Variants in ITSN2 observed in about 807,000 individuals in gnomAD.
ITSN2 encodes intersectin-2.
Under a neutral mutation model 243.7 loss-of-function variants are expected in ITSN2, and 156 were observed. The ratio of observed to expected loss-of-function variants is 0.64; its 90% CI spans 0.56 to 0.73. The LOEUF (loss-of-function observed/expected upper bound fraction) is 0.73. ITSN2 is among the 30% of genes least tolerant of loss of function. The pLI is 0.00. For synonymous variants in ITSN2, 703 were observed against 699.9 expected (o/e 1.00, Z -0.07); for missense variants, 1,801 against 1,996.1 (o/e 0.90, Z 1.86).
In ITSN2 at chr2:24,301,172, G is replaced by A; in HGVS notation, c.1063C>T (p.Pro355Ser). The A allele has an allele frequency of 6.2e-7, 1 of 1,601,774 alleles. No homozygotes were observed. Among genetic ancestry groups the A allele is most frequent in the South Asian group, 1.1e-5 (1 of 89,754 alleles). Residue 355 changes from proline (P) to serine (S), a missense_variant, in exon 11 of 40, where the codon CCT becomes TCT. By Grantham distance (74) the Pro-to-Ser change is moderately conservative (BLOSUM62 -1). This residue lies in a region of ITSN2 where 787 missense variants were observed against 803.9 expected (regional missense o/e 0.98). Coordinates refer to ENST00000355123, the MANE Select transcript of ITSN2 (RefSeq NM_006277.3). ...PSYQKMQEEEPQKKLPVTFED... is the reference protein window; with the variant it reads ...PSYQKMQEEESQKKLPVTFED... ...GTGATACCTGGTAATTTCTTCTGAG[G>A]CTCCTCTTCTTGCATTTTCTGATAT...
At chr2:24,205,187 T>C in intron 38 of ITSN2, 27 bp downstream of exon 38, 8 of 1,595,004 alleles carry the variant, frequency 5.0e-6, no homozygotes, top group Non-Finnish European at 6.9e-6. Flanking sequence ...CAGTTATGTC[T>C]GCTGAATGAA....
intron 1 of ITSN2, among the ~76,000 whole-genome samples, chr2:24,346,006 T>C (rs947274738): frequency 6.6e-6 from 1 of 152,162 alleles, no homozygotes; most frequent in Admixed American, 6.5e-5. Flanking sequence ...AGTGAAGAAA[T>C]GGATATGAGT....
intron 1 of ITSN2, among the ~76,000 whole-genome samples, chr2:24,358,614 A>G (rs1389489561): frequency 1.3e-5 from 2 of 152,226 alleles, no homozygotes; most frequent in Non-Finnish European, 2.9e-5. Flanking sequence ...ATGATTTTCT[A>G]CTTTTTAAAA....
chr2:24,205,383 C>A, intron 37 of ITSN2, 86 bp from the exon 38 acceptor site: 1 of 1,143,160 alleles, frequency 8.7e-7, no homozygotes, highest in South Asian at 1.3e-5. Context: ...ACTACCGGCT[C>A]CCTGTCCCCA....
chr2:24,209,781 A>C, intron 35 of ITSN2, 37 bp downstream of exon 35: 1 of 1,528,558 alleles, frequency 6.5e-7, no homozygotes, highest in Non-Finnish European at 9.1e-7. Flanking sequence ...ACACCTCATT[A>C]GGCCCCTGAT....
intron 18 of ITSN2, among the ~76,000 whole-genome samples, chr2:24,272,335 G>A (rs1315012173): frequency 6.6e-6 from 1 of 151,230 alleles, no homozygotes; most frequent in East Asian, 1.9e-4. Flanking sequence ...TCTTCCAGCT[G>A]TTATTCCCAC....
intron 14 of ITSN2, among the ~76,000 whole-genome samples, 159 bp from the exon 15 acceptor site, chr2:24,293,934 A>C (rs1680611645): frequency 6.6e-6 from 1 of 152,242 alleles, no homozygotes. Flanking sequence ...ACTAGAATGG[A>C]ATTATGCCAA....
chr2:24,254,611 G>A (rs1674781775), intron 23 of ITSN2, among the ~76,000 whole-genome samples, 180 bp from the exon 24 acceptor site: 1 of 152,072 alleles, frequency 6.6e-6, no homozygotes, highest in South Asian at 2.1e-4. Flanking sequence ...ATTAAGAACA[G>A]CCTAATTATA....
intron 29 of ITSN2, among the ~76,000 whole-genome samples, chr2:24,231,749 G>A (rs1295674227): frequency 1.3e-5 from 2 of 152,192 alleles, no homozygotes; most frequent in African/African-American, 2.4e-5. Context: ...CTGTGATGAC[G>A]AACACAGAGA....
rs188760221 is a variant in ITSN2 at position 24,337,499 on chromosome 2, C to T, written c.-33-9384G>A. ...CCAAGTAGCTGGGATTACAGGCGCG[C>T]ACCACCATGCCCAGCTAATTTTTTG... On this transcript the variant is annotated intron_variant, in intron 1 of 39. Coordinates refer to ENST00000355123, the MANE Select transcript of ITSN2 (RefSeq NM_006277.3). Among the ~76,000 whole-genome samples, 30 of 149,090 alleles carry T rather than the reference C, an allele frequency of 2.0e-4. No homozygotes were observed. In the East Asian group the frequency reaches 5.9e-3, roughly 29 times the overall value.
At chr2:24,203,951 G>A in intron 39 of ITSN2, 168 bp from the exon 40 acceptor site, 1 of 690,302 alleles carries the variant, frequency 1.4e-6, no homozygotes, top group East Asian at 2.7e-5. Flanking sequence ...ATGATGGCAG[G>A]TTTGTGTGTG....
At chr2:24,296,686 T>C (rs1285654979) in intron 13 of ITSN2, among the ~76,000 whole-genome samples, 1 of 152,214 alleles carries the variant, frequency 6.6e-6, no homozygotes, top group African/African-American at 2.4e-5. Flanking sequence ...TCTTAGGAGC[T>C]GTGAAAAAAT....
chr2:24,273,313 C>T (rs192728750), intron 18 of ITSN2, among the ~76,000 whole-genome samples: 141 of 152,300 alleles, frequency 9.3e-4, no homozygotes, highest in Non-Finnish European at 2.6e-4. Flanking sequence ...ACTTTCAAAA[C>T]GGACTTCTGG....
chr2:24,298,538 T>C lies in ITSN2; in HGVS notation c.1494+127A>G, dbSNP rs1014398686. 9.6e-5 allele frequency: 75 copies of C among 780,826 alleles called. No homozygotes were observed. In the South Asian group the frequency reaches 1.5e-3, roughly 15 times the overall value. The allele number at this position is 780,826 out of a possible 1,614,324, so 48.4% of individuals were successfully genotyped here. A position where few individuals can be genotyped will look rare whatever the true frequency, so the allele number is the denominator to read the frequency against. On this transcript the variant is annotated intron_variant, in intron 13 of 39. Transcript: ENST00000355123. ...TTTCAAACTCCTGCCCCAGTTGATC[T>C]GCCTGCCTTGGCCTCCCAAAGTGCT...
intron 29 of ITSN2, among the ~76,000 whole-genome samples, chr2:24,243,920 A>C (rs1673037529): frequency 6.6e-6 from 1 of 152,220 alleles, no homozygotes; most frequent in Admixed American, 6.5e-5. Context: ...AAATAATCAA[A>C]AGTGACTAGT....
At chr2:24,271,223 T>G (rs1677302697) in intron 19 of ITSN2, among the ~76,000 whole-genome samples, 1 of 152,212 alleles carries the variant, frequency 6.6e-6, no homozygotes, top group Non-Finnish European at 1.5e-5. Flanking sequence ...TCAGAATGGT[T>G]CTAAAAGGAA....
intron 29 of ITSN2, among the ~76,000 whole-genome samples, chr2:24,232,533 A>C (rs1671730031): frequency 6.6e-6 from 1 of 152,226 alleles, no homozygotes; most frequent in South Asian, 2.1e-4. Flanking sequence ...AGTTAATGTG[A>C]GATGCAGGAT....
At chr2:24,239,608 C>G (rs374536302) in intron 29 of ITSN2, 17 of 152,126 alleles carry the variant, frequency 1.1e-4, no homozygotes, top group African/African-American at 4.1e-4. Flanking sequence ...TTCTTTACCT[C>G]CTACAGAAAT....
intron 29 of ITSN2, among the ~76,000 whole-genome samples, chr2:24,236,063 T>A (rs1672114296): frequency 6.6e-6 from 1 of 152,088 alleles, no homozygotes; most frequent in South Asian, 2.1e-4. Flanking sequence ...TTCACAGCAG[T>A]ATTATTCACA....
Sources: gnomAD v4.1 joint callset for allele counts (sites outside exome capture counted in the v4.1 genomes callset) on GRCh38, gnomAD v4.1.1 for gene constraint, gnomAD v4.1.1 regional missense constraint, MANE v1.5 for transcripts, NCBI Gene and HGNC (gene_info 2026-07-23, HGNC 2026-07-21) for gene names.